COX17: variants seen among roughly 807,000 people sequenced by gnomAD.
COX17 encodes the protein cytochrome c oxidase copper chaperone COX17.
COX17 carries 1 observed loss-of-function variant against 6.3 expected under a neutral mutation model. That is an observed-to-expected ratio of 0.16 (90% confidence interval 0.06 to 0.75). The LOEUF is 0.75. Among genes scored for constraint, COX17 ranks in the 30% least tolerant of loss-of-function variants. COX17 has a pLI of 0.77. For synonymous variants in COX17, 26 were observed against 30.5 expected (o/e 0.85, Z 0.49); for missense variants, 73 against 81.2 (o/e 0.90, Z 0.39).
chr3:119,670,076 C>T (rs933695806), intron 2 of COX17, among the ~76,000 whole-genome samples: 1 of 152,142 alleles, frequency 6.6e-6, no homozygotes. Flanking sequence ...CGAAGATCCA[C>T]AAAGTAGAAG....
downstream of COX17, chr3:119,669,220 C>CTAAAGGCT (rs2053019497): frequency 7.1e-6 from 1 of 141,312 alleles, no homozygotes; most frequent in Non-Finnish European, 1.5e-5. Context: ...AATAATAAGA[C>CTAAAGGCT]TAAAGGCTTG....
intron 2 of COX17, among the ~76,000 whole-genome samples, chr3:119,670,244 C>T (rs993956265): frequency 2.0e-5 from 3 of 152,170 alleles, no homozygotes; most frequent in African/African-American, 7.2e-5. Flanking sequence ...CAATACCAGG[C>T]TTCTCACACC....
chr3:119,664,867 C>G (rs981599446), downstream of COX17, among the ~76,000 whole-genome samples: 3 of 152,032 alleles, frequency 2.0e-5, no homozygotes, highest in Non-Finnish European at 4.4e-5. Flanking sequence ...GGTTCTTCAC[C>G]ACATACAGTT....
At chr3:119,672,459 C>CT (rs1469214446) in intron 2 of COX17, among the ~76,000 whole-genome samples, 2 of 151,870 alleles carry the variant, frequency 1.3e-5, no homozygotes, top group Non-Finnish European at 2.9e-5. Context: ...ATTAGCATTT[C>CT]TTTTTATTTA....
chr3:119,675,474 T>C (rs1484227704), intron 1 of COX17: 1 of 463,946 alleles, frequency 2.2e-6, no homozygotes, highest in Non-Finnish European at 3.9e-6. Flanking sequence ...ATCACGCATA[T>C]TAAATATTGC....
chr3:119,675,666 A>G (rs2053092078), intron 1 of COX17: 1 of 154,568 alleles, frequency 6.5e-6, no homozygotes, highest in Non-Finnish European at 1.4e-5. Context: ...AATTACATCA[A>G]AAACATCTGG....
At chr3:119,673,989 G>A (rs1577180054) in intron 2 of COX17, among the ~76,000 whole-genome samples, 1 of 151,324 alleles carries the variant, frequency 6.6e-6, no homozygotes, top group Admixed American at 6.6e-5. Context: ...CACCCCATCT[G>A]GGAAGTGAGG....
chr3:119,664,655 GTT>G (rs2052977523), downstream of COX17, among the ~76,000 whole-genome samples: 2 of 152,302 alleles, frequency 1.3e-5, no homozygotes, highest in South Asian at 4.1e-4. Context: ...TCTTCAAACT[GTT>G]TGTTACTTGT....
chr3:119,674,883 T>C lies in COX17; in HGVS notation c.*4+262A>G, dbSNP rs558745555. On this transcript the variant is annotated intron_variant, in intron 2 of 2. Coordinates refer to ENST00000261070, the MANE Select transcript of COX17 (RefSeq NM_005694.2). ...AATATGTTTCTTTTAGTTCCCTCAG[T>C]CAATTTTCCTAAAGCCATGGGACCT... 1.9e-5 allele frequency: 7 copies of C among 374,674 alleles called. No individual in the cohort carries two copies. In the East Asian group the frequency reaches 3.0e-4, roughly 16 times the overall value. The allele number at this position is 374,674 out of a possible 1,614,324, so 23.2% of individuals were successfully genotyped here. A position where few individuals can be genotyped will look rare whatever the true frequency, so the allele number is the denominator to read the frequency against.
chr3:119,675,681 C>T (rs1192065714), intron 1 of COX17: 2 of 153,838 alleles, frequency 1.3e-5, no homozygotes, highest in African/African-American at 4.8e-5. Flanking sequence ...ATCTGGTAGC[C>T]AGGAGACCGA....
chr3:119,671,330 A>C (rs2053041785), intron 2 of COX17, among the ~76,000 whole-genome samples: 1 of 152,200 alleles, frequency 6.6e-6, no homozygotes, highest in South Asian at 2.1e-4. Flanking sequence ...GTAAGGTATA[A>C]AAAATGTATA....
intron 1 of COX17, 181 bp downstream of exon 1, chr3:119,677,019 GGGGC>G (rs1359232119): frequency 1.8e-3 from 326 of 179,218 alleles, no homozygotes; most frequent in African/African-American, 0.014. Context: ...GGGGCGGGGC[GGGGC>G]GGGGGGGGGG....
intron 2 of COX17, among the ~76,000 whole-genome samples, chr3:119,669,962 T>C (rs1156276304): frequency 1.3e-5 from 2 of 152,178 alleles, no homozygotes; most frequent in African/African-American, 4.8e-5. Context: ...GAGAAATACA[T>C]ATTTCTCAAA....
At chr3:119,667,519 G>C (rs778294386), downstream of COX17, among the ~76,000 whole-genome samples, 6 of 152,242 alleles carry the variant, frequency 3.9e-5, no homozygotes, top group Non-Finnish European at 7.4e-5. Context: ...ATTTTTTCTA[G>C]AGATCACTTG....
At chr3:119,673,948 T>C (rs1337744583) in intron 2 of COX17, among the ~76,000 whole-genome samples, 1 of 145,618 alleles carries the variant, frequency 6.9e-6, no homozygotes, top group East Asian at 2.1e-4. Flanking sequence ...CCACCCCGTC[T>C]GGGAAGTGAG....
intron 2 of COX17, among the ~76,000 whole-genome samples, chr3:119,673,302 T>C (rs1442376705): frequency 6.6e-6 from 1 of 152,160 alleles, no homozygotes; most frequent in African/African-American, 2.4e-5. Context: ...TTATAGGTAG[T>C]GGGGATATGA....
chr3:119,666,636 A>C (rs969981518), downstream of COX17, among the ~76,000 whole-genome samples: 1 of 152,224 alleles, frequency 6.6e-6, no homozygotes, highest in African/African-American at 2.4e-5. Flanking sequence ...GTTTATATAC[A>C]TATATCCACT....
chr3:119,664,560 CA>C (rs1341468822), downstream of COX17, among the ~76,000 whole-genome samples: 1 of 152,146 alleles, frequency 6.6e-6, no homozygotes, highest in Admixed American at 6.5e-5. Flanking sequence ...TCAAAAGGAG[CA>C]GCAGACAAGA....
chr3:119,670,783 T>C (rs2053036144), intron 2 of COX17, among the ~76,000 whole-genome samples: 1 of 144,698 alleles, frequency 6.9e-6, no homozygotes. Context: ...TGTGTGTGTG[T>C]GTGTACAATT....
Sources: allele counts gnomAD v4.1 joint callset (sites outside exome capture counted in the v4.1 genomes callset), GRCh38; gene constraint gnomAD v4.1.1; transcripts MANE v1.5; gene names NCBI Gene and HGNC (gene_info 2026-07-23, HGNC 2026-07-21).